Variants in POU2F1 observed in about 807,000 individuals in gnomAD.
POU2F1 encodes the protein POU class 2 homeobox 1.
A neutral mutation model predicts 84.9 loss-of-function variants in POU2F1; 16 were observed. The ratio of observed to expected loss-of-function variants is 0.19; its 90% CI spans 0.13 to 0.29. The LOEUF (loss-of-function observed/expected upper bound fraction) is 0.29. POU2F1 is among the 10% of genes least tolerant of loss of function. The pLI is 1.00. For missense variants in POU2F1, 738 were observed against 942.6 expected, an observed-to-expected ratio of 0.78 and a Z score of 2.84; for synonymous variants, 368 against 368.3, an observed-to-expected ratio of 1.00 and a Z score of 0.01.
intron 1 of POU2F1, among the ~76,000 whole-genome samples, chr1:167,293,208 A>C (rs1445758748): frequency 6.6e-6 from 1 of 152,176 alleles, no homozygotes. Flanking sequence ...GGAAAAGAGG[A>C]AGTCAGACTA....
At chr1:167,397,896 G>T (rs1419058805) in intron 10 of POU2F1, 98 bp from the exon 11 acceptor site, 3 of 1,259,384 alleles carry the variant, frequency 2.4e-6, no homozygotes, top group African/African-American at 1.5e-5. Context: ...ATACTTGGAT[G>T]TAGCTTATTT....
chr1:167,323,604 A>G (rs886281372), intron 1 of POU2F1, among the ~76,000 whole-genome samples: 1 of 152,198 alleles, frequency 6.6e-6, no homozygotes, highest in Non-Finnish European at 1.5e-5. Flanking sequence ...TATGTCTACC[A>G]GTTGAGTTGT....
At chr1:167,311,442 T>C (rs1375631693) in intron 1 of POU2F1, among the ~76,000 whole-genome samples, 1 of 151,904 alleles carries the variant, frequency 6.6e-6, no homozygotes, top group East Asian at 1.9e-4. Flanking sequence ...GAAAGAAAAT[T>C]TACCTCCAGC....
At chr1:167,256,237 A>C (rs771931390) in intron 1 of POU2F1, among the ~76,000 whole-genome samples, 1 of 152,116 alleles carries the variant, frequency 6.6e-6, no homozygotes, top group Non-Finnish European at 1.5e-5. Flanking sequence ...AGGCAAGCTG[A>C]GTGTGTTGGG....
At chr1:167,363,574 T>C (rs1659480275) in intron 2 of POU2F1, among the ~76,000 whole-genome samples, 1 of 152,204 alleles carries the variant, frequency 6.6e-6, no homozygotes, top group South Asian at 2.1e-4. Context: ...AATGTCTCGT[T>C]GTGGAAAAAA....
chr1:167,308,070 CTTT>C (rs1231393962), intron 1 of POU2F1, among the ~76,000 whole-genome samples: 4 of 138,184 alleles, frequency 2.9e-5, no homozygotes, highest in Non-Finnish European at 3.2e-5. Flanking sequence ...TTATTTGTTT[CTTT>C]TTTTTTTTTT....
intron 6 of POU2F1, 144 bp from the exon 7 acceptor site, chr1:167,375,885 C>T (rs1243564269): frequency 1.7e-5 from 17 of 1,011,774 alleles, no homozygotes; most frequent in Non-Finnish European, 2.5e-5. Context: ...ACACACAGAG[C>T]ATACCCTGTT....
At position 167,365,518 on chromosome 1, in the gene POU2F1, G is replaced by C. The variant is rs546279091; in HGVS notation, c.179G>C (p.Gly60Ala). Reference protein sequence around the residue: ...DFQKQPVPVGGAISTAQAQAF... With the variant: ...DFQKQPVPVGAAISTAQAQAF... ...CAGAAGCAGCCTGTGCCTGTAGGAG[G>C]AGCAATCTCAACAGCCCAGGCGCAG... Residue 60 changes from glycine to alanine, a missense_variant, in exon 3 of 16, where the codon GGA becomes GCA. Coordinates refer to ENST00000367866, the MANE Select transcript of POU2F1 (RefSeq NM_002697.4). 6.2e-7 allele frequency: 1 copy of C among 1,603,668 alleles called. No individual in the cohort carries two copies. The highest frequency in any genetic ancestry group is 2.3e-5 in the East Asian group (1 of 43,962).
At chr1:167,365,601 G>A (rs963328493) in intron 3 of POU2F1, 34 bp downstream of exon 3, 2 of 1,493,656 alleles carry the variant, frequency 1.3e-6, no homozygotes, top group Non-Finnish European at 1.8e-6. Flanking sequence ...CAGTGAGAGT[G>A]AAAGATAGAG....
chr1:167,399,386 G>A (rs1649035867), intron 12 of POU2F1, 21 bp downstream of exon 12: 7 of 1,583,144 alleles, frequency 4.4e-6, no homozygotes, highest in Non-Finnish European at 6.0e-6. Context: ...AAAATAGGGA[G>A]TGCAAGCTCA....
rs1557974628 is a variant in POU2F1 at position 167,416,819 on chromosome 1, G to A, written c.*1009G>A. On this transcript the variant is annotated 3_prime_UTR_variant, in exon 16 of 16. Coordinates refer to ENST00000367866, the MANE Select transcript of POU2F1 (RefSeq NM_002697.4). ...AGTGCTGCTTTCTGCTACTTTCAAT[G>A]GGAACAGCTGTACATGTTGCAGGGC... 6.6e-6 allele frequency: 1 copy of A among 152,218 alleles called. No individual in the cohort carries two copies. Among genetic ancestry groups the A allele is most frequent in the Admixed American group, 6.5e-5 (1 of 15,276 alleles). 9.4% of individuals were successfully genotyped at this position (152,218 alleles called of 1,614,324 possible).
intron 1 of POU2F1, among the ~76,000 whole-genome samples, chr1:167,229,174 T>A (rs1041660645): frequency 6.6e-6 from 1 of 151,206 alleles, no homozygotes. Context: ...TTTTTTTTTT[T>A]AATTTTTTTT....
At position 167,418,373 on chromosome 1, in the gene POU2F1, A is replaced by C. The variant is rs745481134; in HGVS notation, c.*2563A>C. On this transcript the variant is annotated 3_prime_UTR_variant, in exon 16 of 16. Transcript: ENST00000367866. ...TCTCCATTCACTTTTTCTCTGTTGT[A>C]GTTAAATTTAATCTTCTATCCTGAC... 1 of 152,108 alleles carries C rather than the reference A, an allele frequency of 6.6e-6. No homozygotes were observed. The highest frequency in any genetic ancestry group is 1.5e-5 in the Non-Finnish European group (1 of 68,018). 9.4% of individuals were successfully genotyped at this position (152,108 alleles called of 1,614,324 possible).
At chr1:167,327,624 T>C (rs970714351) in intron 1 of POU2F1, among the ~76,000 whole-genome samples, 4 of 152,220 alleles carry the variant, frequency 2.6e-5, no homozygotes, top group African/African-American at 9.6e-5. Flanking sequence ...TGCACTCTTC[T>C]GTGTATCTGT....
chr1:167,396,686 AACACACAC>A (rs34119749), intron 10 of POU2F1: 5 of 325,346 alleles, frequency 1.5e-5, no homozygotes, highest in East Asian at 5.7e-5. Context: ...CAGGATTAGG[AACACACAC>A]ACACACACAC....
chr1:167,388,595 A>G (rs1315568686), intron 8 of POU2F1, among the ~76,000 whole-genome samples: 1 of 152,264 alleles, frequency 6.6e-6, no homozygotes, highest in East Asian at 1.9e-4. Flanking sequence ...AAGGATAACT[A>G]TGAAAACTGA....
In POU2F1 at chr1:167,422,738, G is replaced by T. The variant is rs1354824002; in HGVS notation, c.*6928G>T. The T allele has an allele frequency of 2.0e-5, 3 of 152,086 alleles. No individual in the cohort carries two copies. Among genetic ancestry groups the T allele is most frequent in the Non-Finnish European group, 4.4e-5 (3 of 68,020 alleles). The allele number at this position is 152,086 out of a possible 1,614,324, so 9.4% of individuals were successfully genotyped here. On this transcript the variant is annotated 3_prime_UTR_variant, in exon 16 of 16. Transcript: ENST00000367866. Reference sequence around the variant, plus strand: ...ATCCCACAGAACTTAAGTGGGATTTGGTTTAGATACCAAAGACACTGCTAA... The same window carrying T: ...ATCCCACAGAACTTAAGTGGGATTTTGTTTAGATACCAAAGACACTGCTAA...
At chr1:167,348,364 G>A (rs1375055048) in intron 2 of POU2F1, among the ~76,000 whole-genome samples, 2 of 152,084 alleles carry the variant, frequency 1.3e-5, no homozygotes, top group African/African-American at 4.8e-5. Flanking sequence ...AAGTTGCTGG[G>A]TCCACTTTTT....
chr1:167,370,282 C>G, intron 4 of POU2F1, 68 bp downstream of exon 4: 1 of 1,309,630 alleles, frequency 7.6e-7, no homozygotes, highest in Non-Finnish European at 1.1e-6. Context: ...CTGTAGTGAG[C>G]ATATATTTTA....
Sources: gnomAD v4.1 joint callset for allele counts (sites outside exome capture counted in the v4.1 genomes callset) on GRCh38, gnomAD v4.1.1 for gene constraint, MANE v1.5 for transcripts, NCBI Gene and HGNC (gene_info 2026-07-23, HGNC 2026-07-21) for gene names.